ROBO1: variants seen among roughly 807,000 people sequenced by gnomAD.
The protein encoded by ROBO1 is roundabout homolog 1.
Under a neutral mutation model 195.9 loss-of-function variants are expected in ROBO1, and 149 were observed. That is an observed-to-expected ratio of 0.76 (90% CI 0.67 to 0.87). The LOEUF (loss-of-function observed/expected upper bound fraction) is 0.87, where lower values mean the gene tolerates loss of function less well. Among genes scored for constraint, ROBO1 ranks in the 40% least tolerant of loss-of-function variants. The pLI is 0.00. For synonymous variants in ROBO1, 816 were observed against 733.2 expected (o/e 1.11, Z -1.82); for missense variants, 1,933 against 2,068.3 (o/e 0.93, Z 1.27).
At chr3:78,953,768 T>G (rs1025296023) in intron 3 of ROBO1, among the ~76,000 whole-genome samples, 7 of 151,980 alleles carry the variant, frequency 4.6e-5, no homozygotes, top group Non-Finnish European at 7.4e-5. Context: ...TTGAATAAAC[T>G]GCTTAAACTC....
chr3:78,970,387 C>T lies in ROBO1; in HGVS notation c.173-31460G>A, dbSNP rs573280733. 6.6e-5 allele frequency among the ~76,000 whole-genome samples: 10 copies of T among 152,176 alleles called. No homozygotes were observed. In the East Asian group the frequency reaches 1.9e-3, roughly 29 times the overall value. On this transcript the variant is annotated intron_variant, in intron 3 of 30. Coordinates refer to ENST00000464233, the MANE Select transcript of ROBO1 (RefSeq NM_002941.4). ...AAATAATTTCTGATTTAGAATAATA[C>T]TACACTGCAGGGTGATATAAACAGC...
chr3:79,371,194 G>T (rs1198347922), intron 2 of ROBO1, among the ~76,000 whole-genome samples: 1 of 152,130 alleles, frequency 6.6e-6, no homozygotes, highest in Non-Finnish European at 1.5e-5. Flanking sequence ...CCCTTTGGGT[G>T]TATAACCAGT....
At chr3:79,434,821 C>G (rs1208350544) in intron 2 of ROBO1, among the ~76,000 whole-genome samples, 1 of 152,136 alleles carries the variant, frequency 6.6e-6, no homozygotes, top group Non-Finnish European at 1.5e-5. Flanking sequence ...CCCAAATGTC[C>G]ATCAATGATA....
At chr3:79,035,509 C>T (rs2078367041) in intron 3 of ROBO1, among the ~76,000 whole-genome samples, 2 of 152,064 alleles carry the variant, frequency 1.3e-5, no homozygotes, top group African/African-American at 4.8e-5. Flanking sequence ...CACTCGAGGC[C>T]AGGAATTCAA....
Position 79,423,769 on chromosome 3 carries a change from C to T in ROBO1, c.88+166055G>A, listed in dbSNP as rs547747805. 1.4e-3 allele frequency among the ~76,000 whole-genome samples: 207 copies of T among 152,140 alleles called. 1 individual carries two copies. Among genetic ancestry groups the T allele is most frequent in the Middle Eastern group, 0.01 (3 of 294 alleles). ...CGACAAATATAAAGTGTAGTTTTTG[C>T]GGAAATCCACTAGAGATTCACAGGT... On this transcript the variant is annotated intron_variant, in intron 2 of 30. Transcript: ENST00000464233.
At chr3:79,520,316 A>G (rs574283901) in intron 2 of ROBO1, among the ~76,000 whole-genome samples, 1 of 152,288 alleles carries the variant, frequency 6.6e-6, no homozygotes, top group East Asian at 1.9e-4. Context: ...TCTAAAACAC[A>G]AGTGAAGACA....
intron 2 of ROBO1, among the ~76,000 whole-genome samples, chr3:79,345,819 G>A (rs2109243554): frequency 6.6e-6 from 1 of 152,172 alleles, no homozygotes; most frequent in African/African-American, 2.4e-5. Flanking sequence ...CAGTTTATAA[G>A]CTGTCCTCAT....
intron 14 of ROBO1, among the ~76,000 whole-genome samples, chr3:78,666,650 T>C (rs1357425387): frequency 6.6e-6 from 1 of 152,202 alleles, no homozygotes; most frequent in Non-Finnish European, 1.5e-5. Context: ...ATATGAGCTA[T>C]GGGTGTGTTA....
intron 1 of ROBO1, among the ~76,000 whole-genome samples, chr3:79,682,093 GT>G (rs1946966903): frequency 6.6e-6 from 1 of 151,824 alleles, no homozygotes; most frequent in Non-Finnish European, 1.5e-5. Flanking sequence ...TTTTGTTAGA[GT>G]TTCTATCCAA....
intron 2 of ROBO1, among the ~76,000 whole-genome samples, chr3:79,167,712 A>G (rs886301568): frequency 6.6e-6 from 1 of 152,202 alleles, no homozygotes; most frequent in Non-Finnish European, 1.5e-5. Context: ...TGCTAATCCA[A>G]TCTGAGCATT....
At chr3:78,757,404 T>C (rs888329624) in intron 4 of ROBO1, among the ~76,000 whole-genome samples, 1 of 150,080 alleles carries the variant, frequency 6.7e-6, no homozygotes, top group Admixed American at 6.8e-5. Flanking sequence ...AATTTAAATA[T>C]TTTCTGGGAA....
rs1452846097 is a variant in ROBO1 at position 79,124,229 on chromosome 3, T to A, written c.172+1227A>T. ...TCCCACCCCCATAGACTTTCATTTG[T>A]TGGTCTTTGAATCCTCATTCTTATG... On this transcript the variant is annotated intron_variant, in intron 3 of 30. Transcript: ENST00000464233. 2.0e-5 allele frequency among the ~76,000 whole-genome samples: 3 copies of A among 152,124 alleles called. No individual in the cohort carries two copies. In the East Asian group the frequency reaches 5.8e-4, roughly 29 times the overall value.
chr3:78,748,274 T>C (rs991297955), intron 4 of ROBO1, among the ~76,000 whole-genome samples: 4 of 152,180 alleles, frequency 2.6e-5, no homozygotes. Context: ...GGAGAAACCC[T>C]GTCTCTACTA....
chr3:79,541,129 T>G (rs1942050634), intron 2 of ROBO1, among the ~76,000 whole-genome samples: 2 of 152,120 alleles, frequency 1.3e-5, no homozygotes, highest in South Asian at 4.1e-4. Flanking sequence ...CATATTGGTC[T>G]CATGTAAATC....
At chr3:78,711,254 GCT>G (rs777526761) in intron 8 of ROBO1, among the ~76,000 whole-genome samples, 1 of 151,084 alleles carries the variant, frequency 6.6e-6, no homozygotes, top group Admixed American at 6.6e-5. Context: ...ATGTCCCTGT[GCT>G]CTCTCTCTTT....
chr3:79,518,091 G>A (rs1003521860), intron 2 of ROBO1, among the ~76,000 whole-genome samples: 1 of 152,114 alleles, frequency 6.6e-6, no homozygotes, highest in Non-Finnish European at 1.5e-5. Context: ...ACAATGATTA[G>A]GGTCAGAATG....
intron 26 of ROBO1, 58 bp from the exon 27 acceptor site, chr3:78,618,099 C>T: frequency 1.3e-6 from 2 of 1,501,938 alleles, no homozygotes; most frequent in Non-Finnish European, 1.8e-6. Flanking sequence ...CATAAAAGGA[C>T]AAATTACCCA....
intron 2 of ROBO1, among the ~76,000 whole-genome samples, chr3:79,289,759 A>G (rs1187357121): frequency 6.6e-6 from 1 of 152,192 alleles, no homozygotes; most frequent in African/African-American, 2.4e-5. Flanking sequence ...CCACAACTTG[A>G]ACTTTGTTTT....
At chr3:79,550,627 A>G (rs1559985014) in intron 2 of ROBO1, among the ~76,000 whole-genome samples, 1 of 152,218 alleles carries the variant, frequency 6.6e-6, no homozygotes, top group Non-Finnish European at 1.5e-5. Context: ...TAAAAATTTT[A>G]GTTTATTGCA....
Sources: gnomAD v4.1 joint callset for allele counts (sites outside exome capture counted in the v4.1 genomes callset) on GRCh38, gnomAD v4.1.1 for gene constraint, MANE v1.5 for transcripts, NCBI Gene and HGNC (gene_info 2026-07-23, HGNC 2026-07-21) for gene names.